ABCA4: variants seen among roughly 807,000 people sequenced by gnomAD.
ABCA4 encodes the protein ATP binding cassette subfamily A member 4, also known as retinal-specific phospholipid-transporting ATPase ABCA4.
In ABCA4, 196 loss-of-function variants were observed where a neutral mutation model predicts 263.7. The observed-to-expected ratio is 0.74, with a 90% CI of 0.66 to 0.84. The LOEUF (loss-of-function observed/expected upper bound fraction) is 0.84, where lower values mean the gene tolerates loss of function less well. ABCA4 is among the 40% of genes least tolerant of loss of function. The pLI is 0.00. For missense variants in ABCA4, 2,792 were observed against 2,855.1 expected, an observed-to-expected ratio of 0.98 and a Z score of 0.50; for synonymous variants, 1,133 against 1,094.2, an observed-to-expected ratio of 1.04 and a Z score of -0.70.
intron 30 of ABCA4, among the ~76,000 whole-genome samples, chr1:94,026,578 C>T (rs1183348451): frequency 6.6e-6 from 1 of 152,166 alleles, no homozygotes; most frequent in African/African-American, 2.4e-5. Flanking sequence ...CAGACACCGG[C>T]CAAGCTCCCC....
At chr1:94,052,207 A>G in intron 16 of ABCA4, among the ~76,000 whole-genome samples, 1 of 152,204 alleles carries the variant, frequency 6.6e-6, no homozygotes, top group East Asian at 1.9e-4. Context: ...TGAAACAGAA[A>G]TGTAGGAATT....
intron 31 of ABCA4, among the ~76,000 whole-genome samples, chr1:94,024,577 T>C (rs1397274419): frequency 6.6e-6 from 1 of 152,162 alleles, no homozygotes; most frequent in Non-Finnish European, 1.5e-5. Context: ...TTCTACCTTT[T>C]CCCCTATACT....
intron 6 of ABCA4, among the ~76,000 whole-genome samples, chr1:94,095,376 C>T (rs1038840279): frequency 6.6e-6 from 1 of 151,982 alleles, no homozygotes; most frequent in South Asian, 2.1e-4. Context: ...GGGTAGATGC[C>T]GTCACGGTGG....
At chr1:94,005,655 A>G in intron 43 of ABCA4, 73 bp from the exon 44 acceptor site, 1 of 1,488,998 alleles carries the variant, frequency 6.7e-7, no homozygotes, top group Admixed American at 1.8e-5. Flanking sequence ...GGGCTGGAGA[A>G]GCTTCTGCCA....
chr1:94,060,802 C>T (rs1570391365), intron 13 of ABCA4, 43 bp from the exon 14 acceptor site: 1 of 1,444,418 alleles, frequency 6.9e-7, no homozygotes, highest in Non-Finnish European at 9.6e-7. Flanking sequence ...GTGCTCTGTA[C>T]CTGGTAGAGG....
intron 14 of ABCA4, among the ~76,000 whole-genome samples, chr1:94,057,711 T>G (rs1661018873): frequency 6.6e-6 from 1 of 152,228 alleles, no homozygotes. Flanking sequence ...ATCAATCACT[T>G]TGGCTATGTA....
chr1:94,044,465 A>C, intron 20 of ABCA4, 148 bp downstream of exon 20: 1 of 1,194,026 alleles, frequency 8.4e-7, no homozygotes, highest in Non-Finnish European at 1.2e-6. Flanking sequence ...AGTAGGACAA[A>C]GGACTTTAAA....
intron 26 of ABCA4, among the ~76,000 whole-genome samples, chr1:94,035,161 T>C (rs1571267513): frequency 6.6e-6 from 1 of 152,334 alleles, no homozygotes. Flanking sequence ...TAATTTATTC[T>C]CCTGAGAGGG....
At chr1:94,099,932 G>C (rs2101137757) in intron 5 of ABCA4, among the ~76,000 whole-genome samples, 1 of 152,274 alleles carries the variant, frequency 6.6e-6, no homozygotes, top group South Asian at 2.1e-4. Context: ...GAGAGGCCTG[G>C]ACCTTGGCCA....
At chr1:94,099,126 G>GCAGT (rs1662223033) in intron 5 of ABCA4, 135 bp from the exon 6 acceptor site, 3 of 993,858 alleles carry the variant, frequency 3.0e-6, no homozygotes, top group Non-Finnish European at 4.5e-6. Context: ...TAAAGCCACT[G>GCAGT]ATTAGCTGAT....
Position 93,999,049 on chromosome 1 carries a change from C to G in ABCA4, c.6480-939G>C, listed in dbSNP as rs1300866272. 2.6e-5 allele frequency among the ~76,000 whole-genome samples: 4 copies of G among 150,998 alleles called. No homozygotes were observed. In the South Asian group the frequency reaches 6.3e-4, roughly 24 times the overall value. On this transcript the variant is annotated intron_variant, in intron 47 of 49. Transcript: ENST00000370225. ...TACAGGCATGAGCCACCACGCCCAG[C>G]CTATTTTATTTTTTGAGACAGAGTC...
chr1:94,027,322 A>G (rs556080642), intron 30 of ABCA4, among the ~76,000 whole-genome samples: 1 of 152,228 alleles, frequency 6.6e-6, no homozygotes, highest in Non-Finnish European at 1.5e-5. Context: ...CGTTTAGGAA[A>G]TGAAACACCA....
intron 4 of ABCA4, among the ~76,000 whole-genome samples, chr1:94,107,784 G>A (rs897284220): frequency 2.4e-4 from 36 of 152,046 alleles, no homozygotes; most frequent in Non-Finnish European, 3.1e-4. Context: ...CCCTACCTTC[G>A]AAATCCTGAA....
At chr1:94,053,291 G>A (rs1403756300) in intron 16 of ABCA4, among the ~76,000 whole-genome samples, 1 of 152,200 alleles carries the variant, frequency 6.6e-6, no homozygotes, top group Non-Finnish European at 1.5e-5. Flanking sequence ...GAAGCCTTGT[G>A]GGACTGAACC....
intron 26 of ABCA4, among the ~76,000 whole-genome samples, chr1:94,036,269 T>C (rs1660333288): frequency 6.6e-6 from 1 of 151,068 alleles, no homozygotes; most frequent in Non-Finnish European, 1.5e-5. Flanking sequence ...CTCAGTCTGT[T>C]ATTCCTTTGT....
At chr1:94,030,286 G>T (rs1009683547) in intron 29 of ABCA4, 142 bp downstream of exon 29, 9 of 740,898 alleles carry the variant, frequency 1.2e-5, no homozygotes, top group Non-Finnish European at 2.1e-5. Flanking sequence ...AGGAGAGGTT[G>T]GGGGAGTGCT....
In ABCA4 at chr1:93,993,120, C is replaced by T. The variant is rs1454423882; in HGVS notation, c.*117G>A. On this transcript the variant is annotated 3_prime_UTR_variant, in exon 50 of 50. Transcript: ENST00000370225. ...ATGCTCCTCGTGTGTTTGTTTTCTG[C>T]TGCAGTGGGGTCATTTACGCTGGCC... 1.7e-5 allele frequency: 23 copies of T among 1,366,208 alleles called. No individual in the cohort carries two copies. Among genetic ancestry groups the T allele is most frequent in the Non-Finnish European group, 2.2e-5 (21 of 963,542 alleles). The allele number at this position is 1,366,208 out of a possible 1,614,324, so 84.6% of individuals were successfully genotyped here.
chr1:94,064,239 A>G (rs1661207236), intron 11 of ABCA4, among the ~76,000 whole-genome samples: 1 of 152,256 alleles, frequency 6.6e-6, no homozygotes, highest in Admixed American at 6.5e-5. Flanking sequence ...AAGGAAAGAT[A>G]AACATCTCTT....
chr1:94,000,774 G>T, intron 47 of ABCA4, 62 bp downstream of exon 47: 1 of 1,539,698 alleles, frequency 6.5e-7, no homozygotes, highest in South Asian at 1.1e-5. Flanking sequence ...TGTCAATGGA[G>T]AACACAGGAT....
Sources: allele counts gnomAD v4.1 joint callset (sites outside exome capture counted in the v4.1 genomes callset), GRCh38; gene constraint gnomAD v4.1.1; transcripts MANE v1.5; gene names NCBI Gene and HGNC (gene_info 2026-07-23, HGNC 2026-07-21).